The following CDK5 variants were observed in gnomAD, a reference collection of about 807,000 sequenced individuals.
CDK5 encodes cyclin dependent kinase 5, also known as cyclin-dependent kinase 5.
In CDK5, 18 loss-of-function variants were observed where a neutral mutation model predicts 44.6. That is an observed-to-expected ratio of 0.40 (90% CI 0.28 to 0.60). CDK5 has a LOEUF of 0.60. Among genes scored for constraint, CDK5 ranks in the 20% least tolerant of loss-of-function variants. CDK5 has a pLI of 0.38. For missense variants in CDK5, 198 were observed against 368.1 expected (o/e 0.54, Z 3.78); for synonymous variants, 143 against 152.8 (o/e 0.94, Z 0.47).
Position 151,056,848 on chromosome 7 carries a change from T to A in CDK5, c.195-52A>T. On this transcript the variant is annotated intron_variant, in intron 3 of 11. Coordinates refer to ENST00000485972, the MANE Select transcript of CDK5 (RefSeq NM_004935.4). The surrounding 1 kb of genome is among the most constrained non-coding windows in gnomAD (Gnocchi z 4.7). Reference sequence around the variant, plus strand: ...GCAGGTCCGCCTGACAGACGTCCAGTGTCAGCCCCCGCCTCCCCCAAGCGG... The same window carrying A: ...GCAGGTCCGCCTGACAGACGTCCAGAGTCAGCCCCCGCCTCCCCCAAGCGG... 6.3e-7 allele frequency: 1 copy of A among 1,595,284 alleles called. No individual in the cohort carries two copies. Among genetic ancestry groups the A allele is most frequent in the South Asian group, 1.1e-5 (1 of 89,120 alleles).
rs775198732 is a variant in CDK5, at chr7:151,053,959, G to A, written c.*50C>T. On this transcript the variant is annotated 3_prime_UTR_variant, in exon 12 of 12. Coordinates refer to ENST00000485972, the MANE Select transcript of CDK5 (RefSeq NM_004935.4). ...CCCCACTGTCTCACCCCTCTCAAGAGGGGGCTTAAATAGGCCAGGCCCCAG... is the reference window on the plus strand; with the variant it reads ...CCCCACTGTCTCACCCCTCTCAAGAAGGGGCTTAAATAGGCCAGGCCCCAG... The A allele has an allele frequency of 1.7e-4, 260 of 1,490,742 alleles. No homozygotes were observed. Among genetic ancestry groups the A allele is most frequent in the South Asian group, 4.1e-4 (34 of 82,564 alleles). The allele number at this position is 1,490,742 out of a possible 1,614,324, so 92.3% of individuals were successfully genotyped here. A position where few individuals can be genotyped will look rare whatever the true frequency, so the allele number is the denominator to read the frequency against.
Position 151,056,449 on chromosome 7 carries a change from CAG to C in CDK5, c.312+129_312+130del. On this transcript the variant is annotated intron_variant, in intron 5 of 11. Transcript: ENST00000485972. The surrounding 1 kb of genome is among the most constrained non-coding windows in gnomAD (Gnocchi z 4.7). ...ACTGGAGACCCCTGGAGGACAGAAA[CAG>C]GGTTTTCTCATTCTCTAACACCCTA... 1.3e-6 allele frequency: 1 copy of C among 776,978 alleles called. No homozygotes were observed. The highest frequency in any genetic ancestry group is 2.2e-6 in the Non-Finnish European group (1 of 458,770). 48.1% of individuals were successfully genotyped at this position (776,978 alleles called of 1,614,324 possible).
rs1223843089 is a variant in CDK5 at position 151,054,378 on chromosome 7, C to T, written c.711+27G>A. The T allele has an allele frequency of 6.2e-7, 1 of 1,612,890 alleles. No homozygotes were observed. On this transcript the variant is annotated intron_variant, in intron 10 of 11. Coordinates refer to ENST00000485972, the MANE Select transcript of CDK5 (RefSeq NM_004935.4). The surrounding 1 kb of genome is among the most constrained non-coding windows in gnomAD (Gnocchi z 5.7). Reference sequence around the variant, plus strand: ...ATGTGAAACGAGTGACCCTGATGAACCATGACCCCCACATTCCCCATCACA... The same window carrying T: ...ATGTGAAACGAGTGACCCTGATGAATCATGACCCCCACATTCCCCATCACA...
Position 151,057,338 on chromosome 7 carries a change from GC to G in CDK5, c.38-179del. Reference sequence around the variant, plus strand: ...GGCAGGTGGGGAGGGAGGAGAAGGTGCCCACCGAGGCTCCAGGGGCTCGGCA... The same window carrying G: ...GGCAGGTGGGGAGGGAGGAGAAGGTGCCACCGAGGCTCCAGGGGCTCGGCA... On this transcript the variant is annotated intron_variant, in intron 1 of 11. Coordinates refer to ENST00000485972, the MANE Select transcript of CDK5 (RefSeq NM_004935.4). This position sits in a 1 kb window ranked among gnomAD's most constrained non-coding sequence, Gnocchi z 5.2. 1.5e-6 allele frequency: 1 copy of G among 645,664 alleles called. No individual in the cohort carries two copies. 40.0% of individuals were successfully genotyped at this position (645,664 alleles called of 1,614,324 possible).
At chr7:151,055,693 C>T in intron 6 of CDK5, 60 bp downstream of exon 6, 1 of 1,538,330 alleles carries the variant, frequency 6.5e-7, no homozygotes. Context: ...CCTCTTCCCT[C>T]TGTGCTCCCC....
Position 151,057,707 on chromosome 7 carries a change from G to A in CDK5, c.37+105C>T. On this transcript the variant is annotated intron_variant, in intron 1 of 11. Transcript: ENST00000485972. This position sits in a 1 kb window ranked among gnomAD's most constrained non-coding sequence, Gnocchi z 5.2. ...GGGCCAGGGCTGCAGCCGCTGCTGAGATCGGAGCCTGTAGGCATTGCTGAC... is the reference window on the plus strand; with the variant it reads ...GGGCCAGGGCTGCAGCCGCTGCTGAAATCGGAGCCTGTAGGCATTGCTGAC... 2 of 1,253,220 alleles carry A rather than the reference G, an allele frequency of 1.6e-6. No individual in the cohort carries two copies. Among genetic ancestry groups the A allele is most frequent in the Non-Finnish European group, 2.3e-6 (2 of 876,098 alleles). 77.6% of individuals were successfully genotyped at this position (1,253,220 alleles called of 1,614,324 possible). A position where few individuals can be genotyped will look rare whatever the true frequency, so the allele number is the denominator to read the frequency against.
chr7:151,054,370 C>T lies in CDK5; in HGVS notation c.711+35G>A. ...CGCTAGGAATGTGAAACGAGTGACC[C>T]TGATGAACCATGACCCCCACATTCC... On this transcript the variant is annotated intron_variant, in intron 10 of 11. Transcript: ENST00000485972. This position sits in a 1 kb window ranked among gnomAD's most constrained non-coding sequence, Gnocchi z 5.7. 3 of 1,612,886 alleles carry T rather than the reference C, an allele frequency of 1.9e-6. No individual in the cohort carries two copies. Among genetic ancestry groups the T allele is most frequent in the Non-Finnish European group, 2.5e-6 (3 of 1,179,092 alleles).
Position 151,054,738 on chromosome 7 carries a change from G to A in CDK5, c.651-273C>T, listed in dbSNP as rs1366257896. 6.6e-6 allele frequency among the ~76,000 whole-genome samples: 1 copy of A among 152,134 alleles called. No homozygotes were observed. The highest frequency in any genetic ancestry group is 1.5e-5 in the Non-Finnish European group (1 of 68,030). The stretch of plus-strand genomic sequence containing the variant: ...GCCCTGCTCCCACAAAATGTGTCCT[G>A]TTCTCTTTGGCTCCTTCATCCTGGC... On this transcript the variant is annotated intron_variant, in intron 9 of 11. Transcript: ENST00000485972. The surrounding 1 kb of genome is among the most constrained non-coding windows in gnomAD (Gnocchi z 5.7).
Position 151,055,571 on chromosome 7 carries a change from A to G in CDK5, c.444T>C (p.Ala148=). 1.2e-6 allele frequency: 2 copies of G among 1,613,808 alleles called. No individual in the cohort carries two copies. The highest frequency in any genetic ancestry group is 1.7e-6 in the Non-Finnish European group (2 of 1,179,860). The change falls in exon 7 of 12, where the codon GCT becomes GCC. Residue 148 remains alanine, a synonymous_variant. Transcript: ENST00000485972. ...AGCGGACGGGAATCCCAAAGGCTCG[A>G]GCCAGGCCAAAATCAGCCAATTTCA... is the stretch of plus-strand genomic sequence containing the variant. ...GELKLADFGL[A]RAFGIPVRCY...
At position 151,057,658 on chromosome 7, in the gene CDK5, G is replaced by A; in HGVS notation, c.37+154C>T. 1.2e-6 allele frequency: 1 copy of A among 800,280 alleles called. No individual in the cohort carries two copies. Among genetic ancestry groups the A allele is most frequent in the Non-Finnish European group, 2.1e-6 (1 of 472,582 alleles). The allele number at this position is 800,280 out of a possible 1,614,324, so 49.6% of individuals were successfully genotyped here. A position where few individuals can be genotyped will look rare whatever the true frequency, so the allele number is the denominator to read the frequency against. On this transcript the variant is annotated intron_variant, in intron 1 of 11. Coordinates refer to ENST00000485972, the MANE Select transcript of CDK5 (RefSeq NM_004935.4). This position sits in a 1 kb window ranked among gnomAD's most constrained non-coding sequence, Gnocchi z 5.2. ...AAATGCTAACACGGGGAAGACTGGT[G>A]TCTGCACGGAGTGCTGAGCTAGGGG...
Position 151,057,653 on chromosome 7 carries a change from C to G in CDK5, c.37+159G>C. ...GCGGGAAATGCTAACACGGGGAAGA[C>G]TGGTGTCTGCACGGAGTGCTGAGCT... On this transcript the variant is annotated intron_variant, in intron 1 of 11. Transcript: ENST00000485972. This position sits in a 1 kb window ranked among gnomAD's most constrained non-coding sequence, Gnocchi z 5.2. 1 of 779,466 alleles carries G rather than the reference C, an allele frequency of 1.3e-6. No homozygotes were observed. The highest frequency in any genetic ancestry group is 2.2e-6 in the Non-Finnish European group (1 of 455,156). The allele number at this position is 779,466 out of a possible 1,614,324, so 48.3% of individuals were successfully genotyped here.
intron 6 of CDK5, 51 bp from the exon 7 acceptor site, chr7:151,055,657 G>C (rs1277967592): frequency 3.2e-6 from 5 of 1,573,354 alleles, no homozygotes; most frequent in Non-Finnish European, 4.4e-6. Context: ...AAAGCCTTGG[G>C]ACAGCACCAA....
chr7:151,057,470 G>C lies in CDK5; in HGVS notation c.38-310C>G. ...GGGTCTGGGAGAGGACTGAGGGGCT[G>C]CAGAAATATTGAGGTTGGAGGTCTG... is the stretch of plus-strand genomic sequence containing the variant. On this transcript the variant is annotated intron_variant, in intron 1 of 11. Coordinates refer to ENST00000485972, the MANE Select transcript of CDK5 (RefSeq NM_004935.4). This position sits in a 1 kb window ranked among gnomAD's most constrained non-coding sequence, Gnocchi z 5.2. 2 of 587,916 alleles carry C rather than the reference G, an allele frequency of 3.4e-6. No individual in the cohort carries two copies. Among genetic ancestry groups the C allele is most frequent in the Non-Finnish European group, 6.1e-6 (2 of 330,258 alleles). 36.4% of individuals were successfully genotyped at this position (587,916 alleles called of 1,614,324 possible). A position where few individuals can be genotyped will look rare whatever the true frequency, so the allele number is the denominator to read the frequency against.
rs770442459 is a variant in CDK5, at chr7:151,055,027, C to G, written c.650G>C (p.Arg217Pro). 6.2e-7 allele frequency: 1 copy of G among 1,613,766 alleles called. No homozygotes were observed. The highest frequency in any genetic ancestry group is 8.5e-7 in the Non-Finnish European group (1 of 1,179,786). Reference protein sequence around the residue: ...DVDDQLKRIFRLLGTPTEEQW... With the variant: ...DVDDQLKRIFPLLGTPTEEQW... ...TCAAGGCAGAGGAAAGCAAGGATAT[C>G]GGAAGATCCTCTTCAACTGGTCATC... is the stretch of plus-strand genomic sequence containing the variant. The change falls in exon 9 of 12, where the codon CGA (arginine) becomes CCA (proline). Residue 217 changes from arginine to proline, a missense_variant and splice_region_variant. Physicochemically the swap from Arg to Pro is moderately radical, Grantham distance 103. This residue lies in a region of CDK5 where 81 missense variants were observed against 102.1 expected (regional missense o/e 0.79). Transcript: ENST00000485972.
chr7:151,055,129 T>A (rs1796869339), intron 8 of CDK5, 33 bp from the exon 9 acceptor site: 2 of 1,598,542 alleles, frequency 1.3e-6, no homozygotes, highest in Non-Finnish European at 8.5e-7. Flanking sequence ...AGATGTGACA[T>A]GTGAAGGACC....
intron 5 of CDK5, 59 bp from the exon 6 acceptor site, chr7:151,055,907 AC>A (rs1796884528): frequency 8.5e-7 from 1 of 1,181,730 alleles, no homozygotes; most frequent in African/African-American, 1.5e-5. Flanking sequence ...GTGCCCAGCA[AC>A]GGGTCGGCTC....
At position 151,054,237 on chromosome 7, in the gene CDK5, T is replaced by C; in HGVS notation, c.767A>G (p.Asn256Ser). The change falls in exon 11 of 12, where the codon AAT becomes AGT. Residue 256 changes from asparagine (N) to serine (S), a missense_variant. By Grantham distance (46) the Asn-to-Ser change is conservative. Transcript: ENST00000485972. This position sits in a 1 kb window ranked among gnomAD's most constrained non-coding sequence, Gnocchi z 5.7. ...TSLVNVVPKL[N>S]ATGRDLLQNL... is the part of the protein sequence containing the mutation. ...CTGCAGCAGATCCCTCCCTGTGGCA[T>C]TGAGTTTGGGCACGACGTTCACCAG... 1 of 1,613,322 alleles carries C rather than the reference T, an allele frequency of 6.2e-7. No homozygotes were observed. The highest frequency in any genetic ancestry group is 8.5e-7 in the Non-Finnish European group (1 of 1,179,632).
At chr7:151,055,473 C>A (rs975166925) in intron 7 of CDK5, 59 bp downstream of exon 7, 1 of 1,571,278 alleles carries the variant, frequency 6.4e-7, no homozygotes, top group Non-Finnish European at 8.8e-7. Flanking sequence ...TGTTTTGGGT[C>A]CTGGGGTTGG....
chr7:151,057,470 G>T lies in CDK5; in HGVS notation c.38-310C>A, dbSNP rs1484864108. The T allele has an allele frequency of 8.5e-6, 5 of 587,796 alleles. No individual in the cohort carries two copies. Among genetic ancestry groups the T allele is most frequent in the Non-Finnish European group, 1.5e-5 (5 of 330,266 alleles). 36.4% of individuals were successfully genotyped at this position (587,796 alleles called of 1,614,324 possible). A position where few individuals can be genotyped will look rare whatever the true frequency, so the allele number is the denominator to read the frequency against. On this transcript the variant is annotated intron_variant, in intron 1 of 11. Coordinates refer to ENST00000485972, the MANE Select transcript of CDK5 (RefSeq NM_004935.4). This position sits in a 1 kb window ranked among gnomAD's most constrained non-coding sequence, Gnocchi z 5.2. Reference sequence around the variant, plus strand: ...GGGTCTGGGAGAGGACTGAGGGGCTGCAGAAATATTGAGGTTGGAGGTCTG... The same window carrying T: ...GGGTCTGGGAGAGGACTGAGGGGCTTCAGAAATATTGAGGTTGGAGGTCTG...
Sources: gnomAD v4.1 joint callset for allele counts (sites outside exome capture counted in the v4.1 genomes callset) on GRCh38, gnomAD v4.1.1 for gene constraint, gnomAD v4.1.1 regional missense constraint, Gnocchi (gnomAD v3.1) non-coding constraint, MANE v1.5 for transcripts, NCBI Gene and HGNC (gene_info 2026-07-23, HGNC 2026-07-21) for gene names.